The following CCDC149 variants were observed in gnomAD, a reference collection of about 807,000 sequenced individuals.
CCDC149 encodes coiled-coil domain containing 149, also known as coiled-coil domain-containing protein 149.
CCDC149 carries 45 observed loss-of-function variants against 59.9 expected under a neutral mutation model. The ratio of observed to expected loss-of-function variants is 0.75; its 90% CI spans 0.59 to 0.96. The LOEUF is 0.96. Ranked by LOEUF, CCDC149 falls within the 40% of genes least tolerant of loss-of-function variation. The probability of loss-of-function intolerance (pLI) is 0.00; values close to 1 mark genes in which losing one functional copy is unlikely to be tolerated. For synonymous variants in CCDC149, 245 were observed against 260.6 expected, an observed-to-expected ratio of 0.94 and a Z score of 0.58; for missense variants, 584 against 664.7, an observed-to-expected ratio of 0.88 and a Z score of 1.33.
At chr4:24,824,340 G>A (rs574407509) in intron 9 of CCDC149, among the ~76,000 whole-genome samples, 2 of 152,164 alleles carry the variant, frequency 1.3e-5, no homozygotes, top group East Asian at 3.9e-4. Flanking sequence ...GCTGGAGGTA[G>A]TAAAATGGAC....
chr4:24,896,907 T>C (rs1393628404), intron 1 of CCDC149, among the ~76,000 whole-genome samples: 1 of 152,188 alleles, frequency 6.6e-6, no homozygotes, highest in Non-Finnish European at 1.5e-5. Flanking sequence ...TTTTTCAATT[T>C]AAGTATTAAC....
In CCDC149 at chr4:24,837,368, A is replaced by G. The variant is rs1716610077; in HGVS notation, c.522T>C (p.Ser174=). ...CTTTAACATCCTGAAGCTCGTCCAC[A>G]GAAGCCTGCAGGTCGTGCTCCAGAG... Residue 174 remains serine, a synonymous_variant, in exon 6 of 13, where the codon TCT becomes TCC. Coordinates refer to ENST00000635206, the MANE Select transcript of CCDC149 (RefSeq NM_001330643.2). This position sits in a 1 kb window ranked among gnomAD's most constrained non-coding sequence, Gnocchi z 4.3. 3.7e-6 allele frequency: 6 copies of G among 1,614,190 alleles called. No homozygotes were observed. Among genetic ancestry groups the G allele is most frequent in the African/African-American group, 2.7e-5 (2 of 75,058 alleles).
chr4:24,902,025 C>G (rs1721199726), intron 1 of CCDC149, among the ~76,000 whole-genome samples: 1 of 152,176 alleles, frequency 6.6e-6, no homozygotes, highest in Non-Finnish European at 1.5e-5. Context: ...GGGCTAAGTG[C>G]TAAGGTTACA....
At position 24,956,677 on chromosome 4, in the gene CCDC149, TTAAA is replaced by T. The variant is rs560782928; in HGVS notation, c.-65+23388_-65+23391del. On this transcript the variant is annotated intron_variant, in intron 1 of 12. Transcript: ENST00000389609. ...AAGGATCAGGGGTCTGCCACATTGA[TTAAA>T]TTTATAGGTGTTCAGTGGCCTGAGG... 4.6e-5 allele frequency among the ~76,000 whole-genome samples: 7 copies of T among 152,348 alleles called. No homozygotes were observed. In the South Asian group the frequency reaches 1.5e-3, roughly 32 times the overall value.
chr4:24,865,784 G>A (rs531018956), intron 3 of CCDC149, among the ~76,000 whole-genome samples: 1 of 152,268 alleles, frequency 6.6e-6, no homozygotes, highest in South Asian at 2.1e-4. Flanking sequence ...TAGACTCATT[G>A]AGCCTAAATT....
intron 1 of CCDC149, among the ~76,000 whole-genome samples, chr4:24,928,449 G>A (rs1722491147): frequency 6.6e-6 from 1 of 152,182 alleles, no homozygotes; most frequent in Non-Finnish European, 1.5e-5. Context: ...AGAATGGATG[G>A]TATGCATAAA....
At chr4:24,842,850 T>C (rs1717021407) in intron 4 of CCDC149, among the ~76,000 whole-genome samples, 1 of 152,192 alleles carries the variant, frequency 6.6e-6, no homozygotes, top group African/African-American at 2.4e-5. Flanking sequence ...TACCTCATCC[T>C]ATTTTCATTT....
intron 1 of CCDC149, among the ~76,000 whole-genome samples, chr4:24,972,567 C>G (rs1276745115): frequency 6.6e-6 from 1 of 152,022 alleles, no homozygotes; most frequent in Non-Finnish European, 1.5e-5. Flanking sequence ...CTCGGCCTCC[C>G]AAATGCTAGA....
intron 1 of CCDC149, among the ~76,000 whole-genome samples, chr4:24,906,929 G>A (rs999882369): frequency 3.9e-5 from 6 of 152,138 alleles, no homozygotes; most frequent in Middle Eastern, 3.4e-3. Context: ...GGAGAGTGTG[G>A]GTAGACAAAA....
chr4:24,825,094 G>A (rs539553218), intron 9 of CCDC149, among the ~76,000 whole-genome samples: 1 of 152,242 alleles, frequency 6.6e-6, no homozygotes, highest in Non-Finnish European at 1.5e-5. Flanking sequence ...AGCCGAGTCC[G>A]TTAAATTTAG....
At chr4:24,931,188 G>A (rs1201190534) in intron 1 of CCDC149, among the ~76,000 whole-genome samples, 5 of 147,824 alleles carry the variant, frequency 3.4e-5, no homozygotes, top group Non-Finnish European at 1.5e-5. Flanking sequence ...GTATATGTGT[G>A]TATATATATA....
intron 1 of CCDC149, among the ~76,000 whole-genome samples, chr4:24,928,160 T>G (rs1031878810): frequency 1.3e-5 from 2 of 152,226 alleles, no homozygotes; most frequent in Non-Finnish European, 2.9e-5. Context: ...CAGTTCAAAT[T>G]TGATTTGCAG....
At chr4:24,939,146 G>C (rs1287028958) in intron 1 of CCDC149, among the ~76,000 whole-genome samples, 3 of 152,248 alleles carry the variant, frequency 2.0e-5, no homozygotes, top group African/African-American at 7.2e-5. Flanking sequence ...GCACCCCCCA[G>C]TAGGGGCGGA....
intron 4 of CCDC149, among the ~76,000 whole-genome samples, chr4:24,839,143 T>C (rs1716764256): frequency 6.6e-6 from 1 of 151,212 alleles, no homozygotes; most frequent in Non-Finnish European, 1.5e-5. Context: ...TGTATTTCGG[T>C]GATGGTGAGA....
intron 4 of CCDC149, among the ~76,000 whole-genome samples, chr4:24,847,542 T>C (rs1365004175): frequency 2.6e-5 from 4 of 152,242 alleles, no homozygotes; most frequent in Admixed American, 1.3e-4. Flanking sequence ...CTTTGATGTG[T>C]CCTCAGATGC....
At chr4:24,855,381 A>G (rs913947261) in intron 3 of CCDC149, among the ~76,000 whole-genome samples, 1 of 152,154 alleles carries the variant, frequency 6.6e-6, no homozygotes, top group African/African-American at 2.4e-5. Context: ...CCTAGCCAAC[A>G]TGGTGAAACT....
At chr4:24,836,280 T>C (rs1435373924) in intron 7 of CCDC149, among the ~76,000 whole-genome samples, 156 bp downstream of exon 7, 1 of 152,202 alleles carries the variant, frequency 6.6e-6, no homozygotes, top group Non-Finnish European at 1.5e-5. Context: ...GGGATTTTAA[T>C]TTGTACTGGT....
chr4:24,911,911 C>A (rs937554130), intron 1 of CCDC149, among the ~76,000 whole-genome samples: 2 of 152,198 alleles, frequency 1.3e-5, no homozygotes, highest in Admixed American at 1.3e-4. Flanking sequence ...AAGGAAGCCC[C>A]AAGTTGGCCT....
intron 3 of CCDC149, among the ~76,000 whole-genome samples, chr4:24,869,947 G>C (rs1225732948): frequency 1.3e-5 from 2 of 152,156 alleles, no homozygotes; most frequent in Non-Finnish European, 2.9e-5. Context: ...CCAGGAATGG[G>C]AGCAAGTCCT....
Sources: allele counts gnomAD v4.1 joint callset (sites outside exome capture counted in the v4.1 genomes callset), GRCh38; gene constraint gnomAD v4.1.1; non-coding constraint Gnocchi (gnomAD v3.1); transcripts MANE v1.5; gene names NCBI Gene and HGNC (gene_info 2026-07-23, HGNC 2026-07-21).